SPEF2: variants seen among roughly 807,000 people sequenced by gnomAD.
The protein encoded by SPEF2 is sperm flagellar and cilia associated 2.
A neutral mutation model predicts 224.6 loss-of-function variants in SPEF2; 187 were observed. The ratio of observed to expected loss-of-function variants is 0.83; its 90% CI spans 0.74 to 0.94. The LOEUF (loss-of-function observed/expected upper bound fraction) is 0.94, where lower values mean the gene tolerates loss of function less well. Ranked by LOEUF, SPEF2 falls within the 40% of genes least tolerant of loss-of-function variation. The probability of loss-of-function intolerance (pLI) is 0.00; values close to 1 mark genes in which losing one functional copy is unlikely to be tolerated. For synonymous variants in SPEF2, 715 were observed against 707.3 expected, an observed-to-expected ratio of 1.01 and a Z score of -0.17; for missense variants, 2,170 against 2,135.6, an observed-to-expected ratio of 1.02 and a Z score of -0.32.
intron 32 of SPEF2, 68 bp downstream of exon 32, chr5:35,793,409 A>G (rs1013669379): frequency 2.7e-6 from 4 of 1,491,036 alleles, no homozygotes; most frequent in African/African-American, 1.4e-5. Flanking sequence ...GAATTACTCA[A>G]TGATGTTACA....
chr5:35,769,529 G>T (rs1752506823), intron 26 of SPEF2, among the ~76,000 whole-genome samples: 1 of 152,146 alleles, frequency 6.6e-6, no homozygotes, highest in African/African-American at 2.4e-5. Flanking sequence ...TGTGGAATAT[G>T]ATTCTTTTGA....
intron 8 of SPEF2, among the ~76,000 whole-genome samples, chr5:35,661,179 A>G (rs1391963274): frequency 1.3e-5 from 2 of 148,488 alleles, no homozygotes; most frequent in Admixed American, 1.4e-4. Flanking sequence ...ACTAAACAAA[A>G]TCCATTTTAT....
chr5:35,638,638 ACATTAT>A, intron 2 of SPEF2, among the ~76,000 whole-genome samples: 1 of 152,048 alleles, frequency 6.6e-6, no homozygotes, highest in East Asian at 1.9e-4. Context: ...TTTCCTTATT[ACATTAT>A]CATTATCAAG....
At chr5:35,790,502 C>T (rs1755800076) in intron 30 of SPEF2, 2 of 423,188 alleles carry the variant, frequency 4.7e-6, no homozygotes, top group South Asian at 1.8e-4. Flanking sequence ...TCACATCAAA[C>T]AAAAGGCATT....
Position 35,667,108 on chromosome 5 carries a change from C to T in SPEF2, c.1204C>T (p.Gln402Ter). ...ACAAGCCAAGATTGACTTTGAAGAA[C>T]AATTCCTTAAAGAAAAGAGATTTCA... Reference protein sequence around the residue: ...AKQAKIDFEEQFLKEKRFHDQ... With the variant: ...AKQAKIDFEE The change falls in exon 9 of 37, where the codon CAA (glutamine) becomes TAA (stop). Residue 402 changes from glutamine to a stop codon, truncating the protein, a stop_gained. Coordinates refer to ENST00000356031, the MANE Select transcript of SPEF2 (RefSeq NM_024867.4). LOFTEE classifies it high-confidence loss of function. 6 of 1,608,920 alleles carry T rather than the reference C, an allele frequency of 3.7e-6. No homozygotes were observed. The highest frequency in any genetic ancestry group is 4.2e-6 in the Non-Finnish European group (5 of 1,178,610).
chr5:35,702,779 A>G (rs779035848), intron 16 of SPEF2, among the ~76,000 whole-genome samples: 1 of 152,222 alleles, frequency 6.6e-6, no homozygotes, highest in African/African-American at 2.4e-5. Flanking sequence ...GGAGCCAATT[A>G]TAGAATCTCA....
intron 10 of SPEF2, among the ~76,000 whole-genome samples, chr5:35,673,997 A>G (rs1485390253): frequency 6.6e-6 from 1 of 152,110 alleles, no homozygotes; most frequent in East Asian, 1.9e-4. Flanking sequence ...TCTCATCTGA[A>G]TTGTGTGGCC....
chr5:35,701,127 G>A (rs1016138993), intron 16 of SPEF2, among the ~76,000 whole-genome samples: 1 of 152,130 alleles, frequency 6.6e-6, no homozygotes, highest in Non-Finnish European at 1.5e-5. Flanking sequence ...CTGTAAGAAA[G>A]GATCTGATAA....
chr5:35,811,695 A>C (rs537084597), intron 36 of SPEF2, among the ~76,000 whole-genome samples: 3 of 151,570 alleles, frequency 2.0e-5, no homozygotes, highest in African/African-American at 7.3e-5. Context: ...GATAGAAAGC[A>C]CTCAATATAT....
chr5:35,697,072 G>GT (rs1270093777), intron 14 of SPEF2, among the ~76,000 whole-genome samples: 3 of 152,120 alleles, frequency 2.0e-5, no homozygotes, highest in Non-Finnish European at 4.4e-5. Context: ...TTTTAGCAGG[G>GT]TTTGGAATAG....
At position 35,782,721 on chromosome 5, in the gene SPEF2, G is replaced by C. The variant is rs141385105; in HGVS notation, c.4447+3375G>C. ...CTTAAGGGGTTTTCTGCTAAGTATT[G>C]GTTAATCCCTTTGAAAACAAAAGTC... On this transcript the variant is annotated intron_variant, in intron 30 of 36. Coordinates refer to ENST00000356031, the MANE Select transcript of SPEF2 (RefSeq NM_024867.4). 2.0e-5 allele frequency among the ~76,000 whole-genome samples: 3 copies of C among 151,740 alleles called. No homozygotes were observed. The East Asian group carries it at 5.8e-4, about 29-fold the overall frequency.
At chr5:35,709,498 A>T in intron 19 of SPEF2, 1 of 994,556 alleles carries the variant, frequency 1.0e-6, no homozygotes, top group Non-Finnish European at 1.2e-6. Context: ...TAATAAAATA[A>T]GAATGAGTAT....
chr5:35,750,891 CA>C (rs947315526), intron 23 of SPEF2, among the ~76,000 whole-genome samples: 17 of 147,860 alleles, frequency 1.1e-4, no homozygotes, highest in African/African-American at 4.2e-4. Context: ...AAGATACTTG[CA>C]CACATTGTTT....
At chr5:35,652,925 AAT>A (rs1214212805) in intron 6 of SPEF2, among the ~76,000 whole-genome samples, 1 of 152,120 alleles carries the variant, frequency 6.6e-6, no homozygotes, top group Non-Finnish European at 1.5e-5. Context: ...TTGTAAACCA[AAT>A]ATATTAATTA....
chr5:35,810,902 C>A (rs1758491832), intron 36 of SPEF2, among the ~76,000 whole-genome samples: 1 of 152,090 alleles, frequency 6.6e-6, no homozygotes, highest in African/African-American at 2.4e-5. Context: ...CTCCTCAAGT[C>A]CTCCACACCT....
At chr5:35,658,621 T>C (rs951263368) in intron 7 of SPEF2, among the ~76,000 whole-genome samples, 1 of 152,194 alleles carries the variant, frequency 6.6e-6, no homozygotes, top group African/African-American at 2.4e-5. Context: ...TCGGGGTACA[T>C]GTGCAGGTTT....
intron 33 of SPEF2, among the ~76,000 whole-genome samples, chr5:35,796,742 A>G (rs995593436): frequency 1.3e-5 from 2 of 152,220 alleles, no homozygotes; most frequent in African/African-American, 4.8e-5. Context: ...ATTAGTTCCA[A>G]ATTGCAGTAC....
intron 8 of SPEF2, among the ~76,000 whole-genome samples, chr5:35,664,347 GGGAAGGAAGGAAGGAAAGAA>G (rs1268679100): frequency 1.3e-4 from 20 of 150,538 alleles, no homozygotes; most frequent in East Asian, 3.9e-4. Flanking sequence ...AGAGAGACGA[GGGAAGGAAGGAAGGAAAGAA>G]GGAAGGAAGG....
At chr5:35,645,867 G>A (rs527264013) in intron 4 of SPEF2, among the ~76,000 whole-genome samples, 1 of 152,096 alleles carries the variant, frequency 6.6e-6, no homozygotes, top group South Asian at 2.1e-4. Flanking sequence ...TCATATTTTG[G>A]AAAATGAAGA....
Sources: gnomAD v4.1 joint callset for allele counts (sites outside exome capture counted in the v4.1 genomes callset) on GRCh38, gnomAD v4.1.1 for gene constraint, MANE v1.5 for transcripts, NCBI Gene and HGNC (gene_info 2026-07-23, HGNC 2026-07-21) for gene names.